MTMR12: variants seen among roughly 807,000 people sequenced by gnomAD.
MTMR12 encodes the protein myotubularin related protein 12.
A neutral mutation model predicts 96.7 loss-of-function variants in MTMR12; 33 were observed. The observed-to-expected ratio is 0.34, with a 90% CI of 0.26 to 0.46. The LOEUF (loss-of-function observed/expected upper bound fraction) is 0.46, where lower values mean the gene tolerates loss of function less well. MTMR12 is among the 20% of genes least tolerant of loss of function. The probability of loss-of-function intolerance (pLI) is 1.00; values close to 1 mark genes in which losing one functional copy is unlikely to be tolerated. For missense variants in MTMR12, 721 were observed against 896.1 expected, an observed-to-expected ratio of 0.80 and a Z score of 2.49; for synonymous variants, 298 against 327.2, an observed-to-expected ratio of 0.91 and a Z score of 0.96.
At chr5:32,304,156 C>T (rs2112162357) in intron 1 of MTMR12, among the ~76,000 whole-genome samples, 1 of 152,172 alleles carries the variant, frequency 6.6e-6, no homozygotes, top group African/African-American at 2.4e-5. Context: ...CCTGTCTCTA[C>T]TAAAAATGCA....
At chr5:32,303,206 T>C (rs1751215503) in intron 1 of MTMR12, among the ~76,000 whole-genome samples, 1 of 152,254 alleles carries the variant, frequency 6.6e-6, no homozygotes, top group African/African-American at 2.4e-5. Flanking sequence ...TGTTCATACA[T>C]GTCTATTATA....
Position 32,312,662 on chromosome 5 carries a change from C to A in MTMR12, c.81+96G>T, listed in dbSNP as rs1035366390. On this transcript the variant is annotated intron_variant, in intron 1 of 15. Coordinates refer to ENST00000382142, the MANE Select transcript of MTMR12 (RefSeq NM_001040446.3). The surrounding 1 kb of genome is among the most constrained non-coding windows in gnomAD (Gnocchi z 5.0). Reference sequence around the variant, plus strand: ...CGTCGCCCGGCACAAGGGCAGGAAGCGCTCCGCGGCGCTCCCCGCTGCAAG... The same window carrying A: ...CGTCGCCCGGCACAAGGGCAGGAAGAGCTCCGCGGCGCTCCCCGCTGCAAG... The A allele has an allele frequency of 8.7e-7, 1 of 1,146,386 alleles. No homozygotes were observed. Among genetic ancestry groups the A allele is most frequent in the Non-Finnish European group, 1.1e-6 (1 of 896,162 alleles). The allele number at this position is 1,146,386 out of a possible 1,614,324, so 71.0% of individuals were successfully genotyped here.
Position 32,241,652 on chromosome 5 carries a change from T to C in MTMR12, c.1171+405A>G, listed in dbSNP as rs866860806. ...GAACTCACAGGCCACCAAGTTTCTA[T>C]GGTAACTGAATAAAGTTGTCAACCA... On this transcript the variant is annotated intron_variant, in intron 12 of 15. Transcript: ENST00000382142. Among the ~76,000 whole-genome samples, 4 of 152,192 alleles carry C rather than the reference T, an allele frequency of 2.6e-5. No individual in the cohort carries two copies. In the East Asian group the frequency reaches 7.7e-4, roughly 29 times the overall value.
In MTMR12 at chr5:32,229,724, G is replaced by C; in HGVS notation, c.*54C>G. The C allele has an allele frequency of 2.0e-6, 3 of 1,466,778 alleles. No homozygotes were observed. The highest frequency in any genetic ancestry group is 2.7e-6 in the Non-Finnish European group (3 of 1,103,430). 90.9% of individuals were successfully genotyped at this position (1,466,778 alleles called of 1,614,324 possible). A position where few individuals can be genotyped will look rare whatever the true frequency, so the allele number is the denominator to read the frequency against. On this transcript the variant is annotated 3_prime_UTR_variant, in exon 16 of 16. Transcript: ENST00000382142. Reference sequence around the variant, plus strand: ...AGCTGTAGCGTGACACAAATCCAGGGATCAGCTGTCCCAATCTCCCACATT... The same window carrying C: ...AGCTGTAGCGTGACACAAATCCAGGCATCAGCTGTCCCAATCTCCCACATT...
intron 6 of MTMR12, among the ~76,000 whole-genome samples, chr5:32,267,616 T>C (rs1749652494): frequency 6.6e-6 from 1 of 152,202 alleles, no homozygotes; most frequent in African/African-American, 2.4e-5. Flanking sequence ...GTGCTCTTCT[T>C]ATGTATAACT....
intron 10 of MTMR12, among the ~76,000 whole-genome samples, chr5:32,247,097 C>T (rs372533260): frequency 1.3e-5 from 2 of 152,260 alleles, no homozygotes; most frequent in South Asian, 4.1e-4. Flanking sequence ...TGCCTATAAT[C>T]CCAGCACTTT....
chr5:32,239,036 G>T lies in MTMR12; in HGVS notation c.1309C>A (p.Arg437Ser). 1 of 1,607,130 alleles carries T rather than the reference G, an allele frequency of 6.2e-7. No individual in the cohort carries two copies. Residue 437 changes from arginine (R) to serine (S), a missense_variant, in exon 13 of 16, where the codon CGC becomes AGC. Coordinates refer to ENST00000382142, the MANE Select transcript of MTMR12 (RefSeq NM_001040446.3). ...WVMGGHCFLD[R>S]CNHLRQNDKE... is the part of the protein sequence containing the mutation. ...TCGTTCTGGCGGAGATGGTTGCAGC[G>T]ATCCAAGAAACAGTGGCCACCCATG...
At chr5:32,307,227 C>A (rs778779385) in intron 1 of MTMR12, among the ~76,000 whole-genome samples, 1 of 152,054 alleles carries the variant, frequency 6.6e-6, no homozygotes, top group Non-Finnish European at 1.5e-5. Flanking sequence ...TATTTTTCTA[C>A]AAAGAATGCT....
chr5:32,277,223 T>C (rs1024108503), intron 1 of MTMR12, among the ~76,000 whole-genome samples: 3 of 152,114 alleles, frequency 2.0e-5, no homozygotes, highest in Admixed American at 6.5e-5. Context: ...GTGTTCTAAC[T>C]AAAGGAAGAC....
At position 32,280,101 on chromosome 5, in the gene MTMR12, C is replaced by A. The variant is rs115993573; in HGVS notation, c.82-3359G>T. Among the ~76,000 whole-genome samples the A allele has an allele frequency of 2.9e-3, 448 of 152,300 alleles. 2 individuals are homozygous for A. Among genetic ancestry groups the A allele is most frequent in the African/African-American group, 1.0e-2 (414 of 41,556 alleles). ...TCTTGAAAAGTCAATTCTTTGGACT[C>A]TTACCAAGTTCACATTCAGAGTGCA... On this transcript the variant is annotated intron_variant, in intron 1 of 15. Coordinates refer to ENST00000382142, the MANE Select transcript of MTMR12 (RefSeq NM_001040446.3).
chr5:32,290,140 T>C (rs948251463), intron 1 of MTMR12, among the ~76,000 whole-genome samples: 1 of 152,224 alleles, frequency 6.6e-6, no homozygotes, highest in Non-Finnish European at 1.5e-5. Context: ...TTTTTCTCCA[T>C]TCCTGTCCAT....
intron 8 of MTMR12, among the ~76,000 whole-genome samples, chr5:32,255,045 G>A (rs143610724): frequency 1.5e-3 from 221 of 152,168 alleles, no homozygotes; most frequent in African/African-American, 5.2e-3. Flanking sequence ...GACTCCATGG[G>A]CTTCTGGGCA....
chr5:32,244,112 T>C (rs545872226), intron 10 of MTMR12, among the ~76,000 whole-genome samples: 4 of 152,154 alleles, frequency 2.6e-5, no homozygotes, highest in South Asian at 4.2e-4. Flanking sequence ...AAATCCAATA[T>C]ATTTAAAAGC....
At chr5:32,285,453 C>T (rs1750499391) in intron 1 of MTMR12, among the ~76,000 whole-genome samples, 2 of 151,880 alleles carry the variant, frequency 1.3e-5, no homozygotes, top group Admixed American at 1.3e-4. Flanking sequence ...GGTGTGAGCC[C>T]CCTGCCCCGC....
intron 1 of MTMR12, among the ~76,000 whole-genome samples, chr5:32,295,790 T>C (rs1021595660): frequency 1.3e-5 from 2 of 152,200 alleles, no homozygotes; most frequent in African/African-American, 4.8e-5. Flanking sequence ...AAATAGATGG[T>C]AAAGCCAGAA....
intron 1 of MTMR12, among the ~76,000 whole-genome samples, chr5:32,302,292 T>C (rs1751183785): frequency 6.6e-6 from 1 of 152,260 alleles, no homozygotes; most frequent in South Asian, 2.1e-4. Flanking sequence ...AGAGTATTAG[T>C]TTCAGAGACA....
At chr5:32,251,032 C>G (rs543595911) in intron 8 of MTMR12, among the ~76,000 whole-genome samples, 1 of 148,472 alleles carries the variant, frequency 6.7e-6, no homozygotes, top group African/African-American at 2.5e-5. Context: ...ACTCATTATT[C>G]GGTACATTTT....
intron 6 of MTMR12, among the ~76,000 whole-genome samples, chr5:32,267,445 G>C (rs1749645407): frequency 6.6e-6 from 1 of 151,616 alleles, no homozygotes; most frequent in Non-Finnish European, 1.5e-5. Flanking sequence ...AGAACAAGAG[G>C]AAGAAAACAG....
At chr5:32,287,659 C>T (rs1211264494) in intron 1 of MTMR12, among the ~76,000 whole-genome samples, 2 of 152,064 alleles carry the variant, frequency 1.3e-5, no homozygotes, top group African/African-American at 2.4e-5. Flanking sequence ...TTTCATTTGT[C>T]GTGGGGTTTC....
Sources: gnomAD v4.1 joint callset for allele counts (sites outside exome capture counted in the v4.1 genomes callset) on GRCh38, gnomAD v4.1.1 for gene constraint, Gnocchi (gnomAD v3.1) non-coding constraint, MANE v1.5 for transcripts, NCBI Gene and HGNC (gene_info 2026-07-23, HGNC 2026-07-21) for gene names.